The following GABRB1 variants were observed in gnomAD, a reference collection of about 807,000 sequenced individuals.
GABRB1 encodes gamma-aminobutyric acid receptor subunit beta-1.
In GABRB1, 17 loss-of-function variants were observed where a neutral mutation model predicts 51.6. The ratio of observed to expected loss-of-function variants is 0.33; its 90% CI spans 0.23 to 0.49. GABRB1 has a LOEUF of 0.49. GABRB1 is among the 20% of genes least tolerant of loss of function. The pLI, the probability that GABRB1 is intolerant of heterozygous loss-of-function variation, is 0.99. For missense variants in GABRB1, 410 were observed against 600.6 expected, an observed-to-expected ratio of 0.68 and a Z score of 3.32; for synonymous variants, 247 against 218.9, an observed-to-expected ratio of 1.13 and a Z score of -1.14.
At chr4:47,408,222 G>A in intron 8 of GABRB1, among the ~76,000 whole-genome samples, 1 of 152,210 alleles carries the variant, frequency 6.6e-6, no homozygotes, top group Non-Finnish European at 1.5e-5. Context: ...CCTATGTAAT[G>A]AGAAAGAGCT....
intron 1 of GABRB1, among the ~76,000 whole-genome samples, chr4:47,019,679 C>CTTTCTTTCTTTG (rs1724863576): frequency 1.6e-5 from 2 of 126,822 alleles, no homozygotes; most frequent in Admixed American, 9.0e-5. Flanking sequence ...TTCTTTCTTT[C>CTTTCTTTCTTTG]CTTCTTTCCT....
At chr4:47,090,321 A>T (rs961567091) in intron 3 of GABRB1, among the ~76,000 whole-genome samples, 3 of 152,228 alleles carry the variant, frequency 2.0e-5, no homozygotes, top group Non-Finnish European at 4.4e-5. Flanking sequence ...AGATTACAAA[A>T]TTACTCAAAA....
intron 4 of GABRB1, among the ~76,000 whole-genome samples, chr4:47,255,740 C>G (rs1426538525): frequency 2.6e-5 from 4 of 152,170 alleles, no homozygotes; most frequent in Non-Finnish European, 5.9e-5. Flanking sequence ...TTCTGATTAA[C>G]AATGTTTCAT....
chr4:47,221,140 A>C (rs1720753455), intron 4 of GABRB1, among the ~76,000 whole-genome samples: 1 of 151,990 alleles, frequency 6.6e-6, no homozygotes, highest in Non-Finnish European at 1.5e-5. Context: ...TTACATTTCT[A>C]AATGTAAATA....
intron 3 of GABRB1, among the ~76,000 whole-genome samples, chr4:47,100,797 T>C (rs1014781457): frequency 2.6e-5 from 4 of 151,932 alleles, no homozygotes; most frequent in Admixed American, 6.6e-5. Context: ...TACCCAAATA[T>C]GAGTATCAAA....
chr4:47,420,486 G>C (rs1729058902), intron 8 of GABRB1, among the ~76,000 whole-genome samples: 1 of 152,106 alleles, frequency 6.6e-6, no homozygotes, highest in Non-Finnish European at 1.5e-5. Flanking sequence ...TAGAAATCCA[G>C]TATGTTAACA....
intron 5 of GABRB1, among the ~76,000 whole-genome samples, chr4:47,373,877 A>G (rs1200308629): frequency 6.6e-6 from 1 of 152,218 alleles, no homozygotes; most frequent in African/African-American, 2.4e-5. Context: ...GCTGTGAGGT[A>G]AGGTGTCAAG....
At chr4:47,236,641 T>C (rs1303726894) in intron 4 of GABRB1, among the ~76,000 whole-genome samples, 1 of 152,164 alleles carries the variant, frequency 6.6e-6, no homozygotes, top group Non-Finnish European at 1.5e-5. Context: ...TATACGTTTA[T>C]TGTGAGAGAT....
chr4:47,193,234 T>G (rs1182433728), intron 4 of GABRB1, among the ~76,000 whole-genome samples: 2 of 152,180 alleles, frequency 1.3e-5, no homozygotes, highest in Non-Finnish European at 2.9e-5. Flanking sequence ...GAAATTCTCC[T>G]GCCTCAGCCT....
rs539692773 is a variant in GABRB1 at position 47,206,427 on chromosome 4, A to G, written c.461+44958A>G. ...CTTTCAAAGGTATATCTAATTCTGTACATCTTTTGTAACTGTGTCTCCGGA... is the reference window on the plus strand; with the variant it reads ...CTTTCAAAGGTATATCTAATTCTGTGCATCTTTTGTAACTGTGTCTCCGGA... On this transcript the variant is annotated intron_variant, in intron 4 of 8. Coordinates refer to ENST00000295454, the MANE Select transcript of GABRB1 (RefSeq NM_000812.4). Among the ~76,000 whole-genome samples, 4 of 152,138 alleles carry G rather than the reference A, an allele frequency of 2.6e-5. No homozygotes were observed. The South Asian group carries it at 8.3e-4, about 32-fold the overall frequency.
chr4:47,247,368 C>T (rs945862315), intron 4 of GABRB1, among the ~76,000 whole-genome samples: 1 of 152,060 alleles, frequency 6.6e-6, no homozygotes, highest in Non-Finnish European at 1.5e-5. Context: ...TATTCTGTTC[C>T]ATTGGTCTGT....
Position 47,269,355 on chromosome 4 carries a change from A to G in GABRB1, c.462-50772A>G, listed in dbSNP as rs142932671. Reference sequence around the variant, plus strand: ...TTTCTTAGGCAAGCATCATTGCATTAGTGCAGAACAGACATTGGGACGTTT... The same window carrying G: ...TTTCTTAGGCAAGCATCATTGCATTGGTGCAGAACAGACATTGGGACGTTT... On this transcript the variant is annotated intron_variant, in intron 4 of 8. Transcript: ENST00000295454. 5.8e-3 allele frequency among the ~76,000 whole-genome samples: 888 copies of G among 152,346 alleles called. 3 individuals are homozygous for G. Among genetic ancestry groups the G allele is most frequent in the Non-Finnish European group, 8.3e-3 (562 of 68,032 alleles).
intron 3 of GABRB1, among the ~76,000 whole-genome samples, chr4:47,100,437 A>T (rs552594181): frequency 1.3e-5 from 2 of 152,198 alleles, no homozygotes; most frequent in African/African-American, 2.4e-5. Flanking sequence ...CTTGGCCTTT[A>T]GTAGTAGTAT....
At chr4:47,416,662 G>T (rs1459538721) in intron 8 of GABRB1, among the ~76,000 whole-genome samples, 1 of 152,070 alleles carries the variant, frequency 6.6e-6, no homozygotes, top group East Asian at 1.9e-4. Context: ...ATGTTGGCCA[G>T]GCTGGTTTAG....
chr4:47,074,136 T>C (rs1727453821), intron 3 of GABRB1, among the ~76,000 whole-genome samples: 1 of 152,194 alleles, frequency 6.6e-6, no homozygotes, highest in African/African-American at 2.4e-5. Context: ...TCTTAACCAA[T>C]GTTTTTCTCA....
chr4:47,205,926 T>G (rs1053938437), intron 4 of GABRB1, among the ~76,000 whole-genome samples: 1 of 152,050 alleles, frequency 6.6e-6, no homozygotes, highest in African/African-American at 2.4e-5. Flanking sequence ...TCCTTACCCG[T>G]GAATGCTTAA....
At chr4:47,281,905 A>C (rs1004882366) in intron 4 of GABRB1, among the ~76,000 whole-genome samples, 1 of 152,206 alleles carries the variant, frequency 6.6e-6, no homozygotes, top group African/African-American at 2.4e-5. Context: ...AGAAAGACAA[A>C]ATGTTGATCA....
intron 3 of GABRB1, among the ~76,000 whole-genome samples, chr4:47,117,604 AACAC>A (rs1464761813): frequency 6.6e-6 from 1 of 152,230 alleles, no homozygotes; most frequent in Non-Finnish European, 1.5e-5. Context: ...TAATAGAACT[AACAC>A]TTGGGTAGCA....
At chr4:47,295,403 A>G (rs1034729120) in intron 4 of GABRB1, among the ~76,000 whole-genome samples, 40 of 152,336 alleles carry the variant, frequency 2.6e-4, no homozygotes, top group Admixed American at 5.2e-4. Flanking sequence ...CAATACAGAG[A>G]AGTGCTTAAA....
Sources: allele counts gnomAD v4.1 joint callset (sites outside exome capture counted in the v4.1 genomes callset), GRCh38; gene constraint gnomAD v4.1.1; transcripts MANE v1.5; gene names NCBI Gene and HGNC (gene_info 2026-07-23, HGNC 2026-07-21).